The following RUNDC3A variants were observed in gnomAD, a reference collection of about 807,000 sequenced individuals.
RUNDC3A encodes RUN domain-containing protein 3A.
Under a neutral mutation model 53.9 loss-of-function variants are expected in RUNDC3A, and 28 were observed. That is an observed-to-expected ratio of 0.52 (90% CI 0.38 to 0.71). RUNDC3A has a LOEUF of 0.71. Ranked by LOEUF, RUNDC3A falls within the 30% of genes least tolerant of loss-of-function variation. The pLI is 0.00. For missense variants in RUNDC3A, 491 were observed against 597.3 expected, an observed-to-expected ratio of 0.82 and a Z score of 1.85; for synonymous variants, 232 against 249.4, an observed-to-expected ratio of 0.93 and a Z score of 0.66.
At chr17:44,313,054 C>A in intron 2 of RUNDC3A, 50 bp from the exon 3 acceptor site, 1 of 1,600,830 alleles carries the variant, frequency 6.2e-7, no homozygotes, top group South Asian at 1.1e-5. Flanking sequence ...CTACATGGAC[C>A]CTCTCCAAAC....
rs550029507 is a variant in RUNDC3A, at chr17:44,318,108, C to T, written c.1211C>T (p.Thr404Met). Residue 404 changes from threonine to methionine, a missense_variant, in exon 11 of 11, where the codon ACG (threonine) becomes ATG (methionine). Transcript: ENST00000426726. ...EPWGPIGKDPTPSMLGLCGSL... is the reference protein window; with the variant it reads ...EPWGPIGKDPMPSMLGLCGSL... Reference sequence around the variant, plus strand: ...CCTCTCTCCCCAGGGAAGGACCCCACGCCCTCCATGCTGGGCCTCTGCGGC... The same window carrying T: ...CCTCTCTCCCCAGGGAAGGACCCCATGCCCTCCATGCTGGGCCTCTGCGGC... 155 of 1,551,396 alleles carry T rather than the reference C, an allele frequency of 1.0e-4. No homozygotes were observed. The Admixed American group carries it at 2.4e-3, about 24-fold the overall frequency.
intron 1 of RUNDC3A, among the ~76,000 whole-genome samples, chr17:44,310,268 C>A (rs545379447): frequency 2.0e-5 from 3 of 152,334 alleles, no homozygotes; most frequent in South Asian, 2.1e-4. Context: ...GATGTCACAG[C>A]CACACCAAAG....
chr17:44,314,896 C>T (rs764029927), intron 5 of RUNDC3A, 33 bp from the exon 6 acceptor site: 1 of 1,614,034 alleles, frequency 6.2e-7, no homozygotes, highest in East Asian at 2.2e-5. Flanking sequence ...ACCCCTCACA[C>T]CCACCTCCAA....
At chr17:44,313,997 A>G (rs940844321) in intron 4 of RUNDC3A, 108 of 990,914 alleles carry the variant, frequency 1.1e-4, no homozygotes, top group Non-Finnish European at 1.3e-4. Context: ...CACCACCACC[A>G]CCACCACTTG....
chr17:44,318,066 C>A, intron 10 of RUNDC3A, 30 bp from the exon 11 acceptor site: 1 of 1,546,894 alleles, frequency 6.5e-7, no homozygotes, highest in South Asian at 1.2e-5. Flanking sequence ...GTAGACTGGT[C>A]GCTTGGCCTC....
rs906654231 is a variant in RUNDC3A at position 44,308,733 on chromosome 17, C to T, written c.-100C>T. On this transcript the variant is annotated 5_prime_UTR_variant, in exon 1 of 11. Coordinates refer to ENST00000426726, the MANE Select transcript of RUNDC3A (RefSeq NM_001144825.2). ...GATGGCCATGGAAGGGTTGAGGGGC[C>T]CCGTCGGACAGAGGGCCCAGCCGTG... 1.4e-6 allele frequency: 1 copy of T among 725,866 alleles called. No individual in the cohort carries two copies. The highest frequency in any genetic ancestry group is 2.9e-5 in the Admixed American group (1 of 34,174). The allele number at this position is 725,866 out of a possible 1,614,324, so 45.0% of individuals were successfully genotyped here. A position where few individuals can be genotyped will look rare whatever the true frequency, so the allele number is the denominator to read the frequency against.
At chr17:44,317,420 C>G (rs976416079) in intron 10 of RUNDC3A, 5 of 780,432 alleles carry the variant, frequency 6.4e-6, no homozygotes, top group Non-Finnish European at 1.2e-5. Context: ...CTAATTTGCT[C>G]TTATCTCATG....
Position 44,311,282 on chromosome 17 carries a change from G to A in RUNDC3A, c.108-1298G>A, listed in dbSNP as rs138948377. 140 of 985,510 alleles carry A rather than the reference G, an allele frequency of 1.4e-4. No individual in the cohort carries two copies. In the African/African-American group the frequency reaches 2.0e-3, roughly 14 times the overall value. The allele number at this position is 985,510 out of a possible 1,614,324, so 61.0% of individuals were successfully genotyped here. On this transcript the variant is annotated intron_variant, in intron 1 of 10. Transcript: ENST00000426726. Reference sequence around the variant, plus strand: ...ACTTGCAGAGTAGAGGACAAAGGGCGGTGGAGCAGGGGCTGCTCCAGGCCT... The same window carrying A: ...ACTTGCAGAGTAGAGGACAAAGGGCAGTGGAGCAGGGGCTGCTCCAGGCCT...
chr17:44,318,125 C>T lies in RUNDC3A; in HGVS notation c.1228C>T (p.Leu410Phe), dbSNP rs1445953433. 5.2e-6 allele frequency: 8 copies of T among 1,551,568 alleles called. No homozygotes were observed. Among genetic ancestry groups the T allele is most frequent in the Non-Finnish European group, 6.1e-6 (7 of 1,146,976 alleles). Residue 410 changes from leucine to phenylalanine, a missense_variant, in exon 11 of 11, where the codon CTC becomes TTC. Transcript: ENST00000426726. ...GKDPTPSMLG[L>F]CGSLASIPSC... ...GGACCCCACGCCCTCCATGCTGGGC[C>T]TCTGCGGCTCCCTGGCCTCCATTCC... is the stretch of plus-strand genomic sequence containing the variant.
chr17:44,308,923 C>G lies in RUNDC3A; in HGVS notation c.91C>G (p.Leu31Val). 6.2e-7 allele frequency: 1 copy of G among 1,607,972 alleles called. No homozygotes were observed. Among genetic ancestry groups the G allele is most frequent in the Non-Finnish European group, 8.5e-7 (1 of 1,177,004 alleles). The part of the protein sequence containing the change: ...SRNVAVERKN[L>V]ITVCRFSVKT... ...CAACGTGGCTGTGGAGCGTAAGAAC[C>G]TGATCACCGTGTGCAGGTGGGCACC... Residue 31 changes from leucine to valine, a missense_variant, in exon 1 of 11, where the codon CTG (leucine) becomes GTG (valine). Coordinates refer to ENST00000426726, the MANE Select transcript of RUNDC3A (RefSeq NM_001144825.2).
At position 44,318,433 on chromosome 17, in the gene RUNDC3A, C is replaced by T. The variant is rs2106708; in HGVS notation, c.*195C>T. On this transcript the variant is annotated 3_prime_UTR_variant, in exon 11 of 11. Transcript: ENST00000426726. ...AGCACGGGCTGCGGAAGAAAGCACG[C>T]TGGGCCAGGAGGCAGGGGTGCCCAA... The T allele has an allele frequency of 1.5e-6, 1 of 654,238 alleles. No individual in the cohort carries two copies. Among genetic ancestry groups the T allele is most frequent in the Non-Finnish European group, 2.5e-6 (1 of 393,730 alleles). 40.5% of individuals were successfully genotyped at this position (654,238 alleles called of 1,614,324 possible). A position where few individuals can be genotyped will look rare whatever the true frequency, so the allele number is the denominator to read the frequency against.
chr17:44,314,594 C>A, intron 4 of RUNDC3A, 141 bp from the exon 5 acceptor site: 1 of 1,460,050 alleles, frequency 6.8e-7, no homozygotes, highest in South Asian at 1.4e-5. Context: ...GGGAGAGAGG[C>A]TCCAGGCCTG....
At chr17:44,317,689 T>C (rs981132344) in intron 10 of RUNDC3A, 2 of 644,974 alleles carry the variant, frequency 3.1e-6, no homozygotes, top group Non-Finnish European at 2.8e-6. Context: ...AGGCAGGCTG[T>C]GGCCATGTAG....
rs759032986 is a variant in RUNDC3A at position 44,313,198 on chromosome 17, C to A, written c.318C>A (p.Asn106Lys). 3 of 1,614,038 alleles carry A rather than the reference C, an allele frequency of 1.9e-6. No homozygotes were observed. The highest frequency in any genetic ancestry group is 2.5e-6 in the Non-Finnish European group (3 of 1,179,890). ...GGCTGGCCTGCAGCAAAGTGCCCAA[C>A]AACTGTGTGAGCAGCATCGAGAACA... ...YIRLACSKVP[N>K]NCVSSIENME... The change falls in exon 3 of 11, where the codon AAC becomes AAA. Residue 106 changes from asparagine (N) to lysine (K), a missense_variant. Transcript: ENST00000426726.
chr17:44,314,472 G>C, intron 4 of RUNDC3A: 2 of 1,379,412 alleles, frequency 1.4e-6, no homozygotes, highest in Non-Finnish European at 1.9e-6. Flanking sequence ...TGATATGAAG[G>C]ATCTGGGTAA....
intron 10 of RUNDC3A, 92 bp from the exon 11 acceptor site, chr17:44,318,004 T>C (rs1424533475): frequency 1.5e-6 from 2 of 1,314,018 alleles, no homozygotes; most frequent in Non-Finnish European, 2.1e-6. Flanking sequence ...TCCTGGGGGG[T>C]GACTTGAGGG....
In RUNDC3A at chr17:44,318,531, G is replaced by C; in HGVS notation, c.*293G>C. On this transcript the variant is annotated 3_prime_UTR_variant, in exon 11 of 11. Transcript: ENST00000426726. The stretch of plus-strand genomic sequence containing the variant: ...TGGCGCTCCTTCACTCATCTCCCCT[G>C]CCCCCTCAGGAACTGGTGGCCCAGC... 2.6e-6 allele frequency: 1 copy of C among 389,232 alleles called. No individual in the cohort carries two copies. The highest frequency in any genetic ancestry group is 3.8e-5 in the South Asian group (1 of 26,444). 24.1% of individuals were successfully genotyped at this position (389,232 alleles called of 1,614,324 possible).
chr17:44,314,673 C>T lies in RUNDC3A; in HGVS notation c.459-62C>T, dbSNP rs968709118. 1.0e-5 allele frequency: 6 copies of T among 601,198 alleles called. No individual in the cohort carries two copies. The Admixed American group carries it at 1.3e-4, about 13-fold the overall frequency. 37.2% of individuals were successfully genotyped at this position (601,198 alleles called of 1,614,324 possible). A position where few individuals can be genotyped will look rare whatever the true frequency, so the allele number is the denominator to read the frequency against. ...TGGCAGTAAGCCAACAATAGCAGCT[C>T]TGGGGGGGGGGGGGGCGCTCCAGGG... On this transcript the variant is annotated intron_variant, in intron 4 of 10. Coordinates refer to ENST00000426726, the MANE Select transcript of RUNDC3A (RefSeq NM_001144825.2).
At chr17:44,313,627 C>A in intron 4 of RUNDC3A, 124 bp downstream of exon 4, 1 of 1,407,546 alleles carries the variant, frequency 7.1e-7, no homozygotes, top group East Asian at 2.7e-5. Flanking sequence ...AGCACCAGCA[C>A]ACATGGCTGA....
Sources: allele counts gnomAD v4.1 joint callset (sites outside exome capture counted in the v4.1 genomes callset), GRCh38; gene constraint gnomAD v4.1.1; transcripts MANE v1.5; gene names NCBI Gene and HGNC (gene_info 2026-07-23, HGNC 2026-07-21).